Variants in ROCK2 observed in about 807,000 individuals in gnomAD.
The protein encoded by ROCK2 is rho-associated protein kinase 2.
Under a neutral mutation model 195.1 loss-of-function variants are expected in ROCK2, and 61 were observed. The ratio of observed to expected loss-of-function variants is 0.31; its 90% CI spans 0.25 to 0.39. The LOEUF (loss-of-function observed/expected upper bound fraction) is 0.39. Among genes scored for constraint, ROCK2 ranks in the 10% least tolerant of loss-of-function variants. The probability of loss-of-function intolerance (pLI) is 1.00; values close to 1 mark genes in which losing one functional copy is unlikely to be tolerated. For missense variants in ROCK2, 1,109 were observed against 1,637.4 expected, an observed-to-expected ratio of 0.68 and a Z score of 5.57; for synonymous variants, 504 against 545.5, an observed-to-expected ratio of 0.92 and a Z score of 1.06.
At chr2:11,324,083 TCA>T (rs1668475869) in intron 1 of ROCK2, among the ~76,000 whole-genome samples, 1 of 152,224 alleles carries the variant, frequency 6.6e-6, no homozygotes, top group Non-Finnish European at 1.5e-5. Context: ...ACAGCTGGAA[TCA>T]CACTCTTACC....
chr2:11,316,448 G>A (rs1250574160), intron 1 of ROCK2, among the ~76,000 whole-genome samples: 4 of 152,178 alleles, frequency 2.6e-5, no homozygotes, highest in African/African-American at 9.6e-5. Context: ...ATTAACAGCT[G>A]AGAATGGCAA....
chr2:11,221,649 G>A (rs1450273994), intron 8 of ROCK2, among the ~76,000 whole-genome samples: 1 of 152,132 alleles, frequency 6.6e-6, no homozygotes, highest in South Asian at 2.1e-4. Context: ...TCTCGAAACA[G>A]AAATATTTCT....
At chr2:11,296,293 T>G (rs1667536545) in intron 1 of ROCK2, among the ~76,000 whole-genome samples, 1 of 152,164 alleles carries the variant, frequency 6.6e-6, no homozygotes, top group South Asian at 2.1e-4. Context: ...TTTCTTAAAT[T>G]TTGAAAAGAT....
chr2:11,183,814 A>T (rs1002444449), intron 32 of ROCK2, among the ~76,000 whole-genome samples: 3 of 152,146 alleles, frequency 2.0e-5, no homozygotes, highest in African/African-American at 4.8e-5. Context: ...GGGCCTATTG[A>T]TCAGGTTCTA....
rs550318504 is a variant in ROCK2, at chr2:11,208,487, T to C, written c.2204-40A>G. 2.2e-3 allele frequency: 804 copies of C among 362,680 alleles called. 3 individuals carry two copies. The highest frequency in any genetic ancestry group is 0.014 in the African/African-American group (644 of 45,088). 22.5% of individuals were successfully genotyped at this position (362,680 alleles called of 1,614,324 possible). On this transcript the variant is annotated intron_variant, in intron 18 of 32. Coordinates refer to ENST00000315872, the MANE Select transcript of ROCK2 (RefSeq NM_004850.5). Reference sequence around the variant, plus strand: ...ATGGACACAATCATAAATTTACAAATAAAAGAAGCATATCATAAATTTGTA... The same window carrying C: ...ATGGACACAATCATAAATTTACAAACAAAAGAAGCATATCATAAATTTGTA...
intron 9 of ROCK2, among the ~76,000 whole-genome samples, chr2:11,220,446 G>T (rs1160537376): frequency 2.0e-5 from 3 of 152,086 alleles, no homozygotes; most frequent in African/African-American, 7.2e-5. Flanking sequence ...ACCACACCTG[G>T]CCTCAACATA....
At chr2:11,284,157 G>A (rs1667109024) in intron 3 of ROCK2, among the ~76,000 whole-genome samples, 1 of 152,140 alleles carries the variant, frequency 6.6e-6, no homozygotes, top group Non-Finnish European at 1.5e-5. Flanking sequence ...ATCTGAAAAG[G>A]TTGCATACTG....
Position 11,197,580 on chromosome 2 carries a change from C to T in ROCK2, c.3225G>A (p.Glu1075=), listed in dbSNP as rs201846618. 37 of 1,613,690 alleles carry T rather than the reference C, an allele frequency of 2.3e-5. No homozygotes were observed. Among genetic ancestry groups the T allele is most frequent in the African/African-American group, 4.0e-5 (3 of 74,906 alleles). ...ACTTGATCATCTGCTGGGTCAATTT[C>T]TCACGTTCAGATTTAAGCTCCATAT... ...KLHMELKSER[E]KLTQQMIKYQ... Residue 1075 remains glutamate (E), a synonymous_variant, in exon 26 of 33, where the codon GAG becomes GAA. Transcript: ENST00000315872. This position sits in a 1 kb window ranked among gnomAD's most constrained non-coding sequence, Gnocchi z 4.9.
intron 32 of ROCK2, among the ~76,000 whole-genome samples, chr2:11,191,704 C>T (rs1663429564): frequency 1.3e-5 from 2 of 151,936 alleles, no homozygotes; most frequent in African/African-American, 2.4e-5. Flanking sequence ...TGGACATCAT[C>T]GACAGGTTCT....
At position 11,211,870 on chromosome 2, in the gene ROCK2, C is replaced by CA. The variant is rs779614165; in HGVS notation, c.2044-31dup. The CA allele has an allele frequency of 1.4e-5, 21 of 1,481,838 alleles. No individual in the cohort carries two copies. The African/African-American group carries it at 1.6e-4, about 11-fold the overall frequency. The allele number at this position is 1,481,838 out of a possible 1,614,324, so 91.8% of individuals were successfully genotyped here. A position where few individuals can be genotyped will look rare whatever the true frequency, so the allele number is the denominator to read the frequency against. ...TAAATATTTAAAATGCAGCTATCAA[C>CA]AAAAAAGAGACTAGCTCACAATTTC... is the stretch of plus-strand genomic sequence containing the variant. On this transcript the variant is annotated intron_variant, in intron 17 of 32. Transcript: ENST00000315872.
chr2:11,292,062 C>G (rs1350775414), intron 1 of ROCK2, among the ~76,000 whole-genome samples: 2 of 152,122 alleles, frequency 1.3e-5, no homozygotes, highest in Admixed American at 1.3e-4. Flanking sequence ...CAGAGGTTAG[C>G]AGTAACTTTT....
intron 1 of ROCK2, among the ~76,000 whole-genome samples, chr2:11,343,122 T>C (rs1239990368): frequency 6.6e-6 from 1 of 152,198 alleles, no homozygotes; most frequent in Non-Finnish European, 1.5e-5. Flanking sequence ...TTCACCTTTC[T>C]TCCCCTCCCC....
chr2:11,344,843 T>C (rs1669246874), upstream of ROCK2, among the ~76,000 whole-genome samples: 1 of 150,726 alleles, frequency 6.6e-6, no homozygotes, highest in Non-Finnish European at 1.5e-5. This position sits in a 1 kb window ranked among gnomAD's most constrained non-coding sequence, Gnocchi z 5.4. Flanking sequence ...CGAGGTTCTC[T>C]GAGGCGAATA....
chr2:11,268,164 T>C (rs537896173), intron 3 of ROCK2, among the ~76,000 whole-genome samples: 2 of 151,968 alleles, frequency 1.3e-5, no homozygotes, highest in South Asian at 2.1e-4. Context: ...AGATCCAAGA[T>C]TCACAAGCAG....
intron 3 of ROCK2, among the ~76,000 whole-genome samples, chr2:11,250,584 AC>A (rs1455097166): frequency 6.6e-6 from 1 of 152,180 alleles, no homozygotes; most frequent in Non-Finnish European, 1.5e-5. Context: ...CCTAATCTTC[AC>A]CCGAATTTAT....
At chr2:11,321,995 G>A (rs1354129785) in intron 1 of ROCK2, among the ~76,000 whole-genome samples, 1 of 152,012 alleles carries the variant, frequency 6.6e-6, no homozygotes, top group Non-Finnish European at 1.5e-5. Flanking sequence ...CAGTCTGACT[G>A]GTGTCCTTCT....
At chr2:11,231,302 C>T (rs1321884153) in intron 5 of ROCK2, among the ~76,000 whole-genome samples, 6 of 151,790 alleles carry the variant, frequency 4.0e-5, no homozygotes, top group South Asian at 2.1e-4. Context: ...CTCCTGGGTT[C>T]AAGCGATTCT....
At chr2:11,221,957 A>C in intron 8 of ROCK2, 126 bp downstream of exon 8, 1 of 585,304 alleles carries the variant, frequency 1.7e-6, no homozygotes, top group Non-Finnish European at 3.0e-6. Context: ...ATTTGAAATG[A>C]AATTTCTCAA....
At chr2:11,241,366 A>G (rs948213583) in intron 4 of ROCK2, among the ~76,000 whole-genome samples, 1 of 152,230 alleles carries the variant, frequency 6.6e-6, no homozygotes. Context: ...AGCAGATTAC[A>G]CATGTGTAAC....
Sources: gnomAD v4.1 joint callset for allele counts (sites outside exome capture counted in the v4.1 genomes callset) on GRCh38, gnomAD v4.1.1 for gene constraint, Gnocchi (gnomAD v3.1) non-coding constraint, MANE v1.5 for transcripts, NCBI Gene and HGNC (gene_info 2026-07-23, HGNC 2026-07-21) for gene names.